The following GPR141 variants were observed in gnomAD, a reference collection of about 807,000 sequenced individuals.
The protein encoded by GPR141 is G protein-coupled receptor 141, also known as probable G protein-coupled receptor 141.
GPR141 carries 6 observed loss-of-function variants against 6.8 expected under a neutral mutation model. The observed-to-expected ratio is 0.88, with a 90% CI of 0.48 to 1.74. The LOEUF is 1.74. Among genes scored for constraint, GPR141 ranks in the 40% most tolerant of loss-of-function variants. The pLI is 0.01. For synonymous variants in GPR141, 140 were observed against 142.3 expected (o/e 0.98, Z 0.11); for missense variants, 372 against 372.9 (o/e 1.00, Z 0.02).
chr7:37,710,286 A>G (rs1362944556), intron 2 of GPR141, among the ~76,000 whole-genome samples: 1 of 152,144 alleles, frequency 6.6e-6, no homozygotes, highest in Non-Finnish European at 1.5e-5. Context: ...GTAGCACAGT[A>G]GAGAGCAATA....
intron 2 of GPR141, among the ~76,000 whole-genome samples, chr7:37,716,388 G>T (rs1376223752): frequency 6.6e-6 from 1 of 152,130 alleles, no homozygotes; most frequent in African/African-American, 2.4e-5. Flanking sequence ...TTTTCAAAGG[G>T]GGTGAAAGAT....
intron 2 of GPR141, among the ~76,000 whole-genome samples, chr7:37,692,995 C>A (rs1204356206): frequency 6.6e-6 from 1 of 152,130 alleles, no homozygotes; most frequent in Non-Finnish European, 1.5e-5. Context: ...TGCGCAGAAG[C>A]TCTTTAGTTT....
At chr7:37,690,014 G>T (rs996543887) in intron 2 of GPR141, among the ~76,000 whole-genome samples, 1 of 150,760 alleles carries the variant, frequency 6.6e-6, no homozygotes, top group Non-Finnish European at 1.5e-5. Flanking sequence ...CTACTTTTTC[G>T]ATGTAGGCAT....
rs1458224923 is a variant in GPR141 at position 37,743,734 on chromosome 7, TAAC to T, written c.*2425_*2427del. ...ACTATGTTATTTTCATATATTATAATAACAGGCTTATTAGAAATGTTCTCAAAA... is the reference window on the plus strand; with the variant it reads ...ACTATGTTATTTTCATATATTATAATAGGCTTATTAGAAATGTTCTCAAAA... On this transcript the variant is annotated 3_prime_UTR_variant, in exon 3 of 3. Transcript: ENST00000334425. 2.0e-5 allele frequency among the ~76,000 whole-genome samples: 3 copies of T among 152,174 alleles called. No homozygotes were observed. Among genetic ancestry groups the T allele is most frequent in the African/African-American group, 4.8e-5 (2 of 41,466 alleles).
chr7:37,713,033 C>G (rs1215631690), intron 2 of GPR141, among the ~76,000 whole-genome samples: 2 of 152,250 alleles, frequency 1.3e-5, no homozygotes, highest in African/African-American at 4.8e-5. Flanking sequence ...AACACCATCT[C>G]TTAATGCCAG....
chr7:37,719,324 C>G (rs1233822104), intron 2 of GPR141, among the ~76,000 whole-genome samples: 1 of 152,198 alleles, frequency 6.6e-6, no homozygotes, highest in African/African-American at 2.4e-5. Context: ...TGGGATTAGT[C>G]ATCTTGTCTG....
chr7:37,695,845 C>T (rs550162266), intron 2 of GPR141, among the ~76,000 whole-genome samples: 34 of 152,138 alleles, frequency 2.2e-4, no homozygotes, highest in African/African-American at 7.2e-4. Context: ...GCCAACATGC[C>T]GTGTTGTCAC....
At position 37,705,235 on chromosome 7, in the gene GPR141, GATGGGCAGTCCACA is replaced by G. The variant is rs559271474; in HGVS notation, c.-15+19655_-15+19668del. Among the ~76,000 whole-genome samples, 792 of 152,284 alleles carry G rather than the reference GATGGGCAGTCCACA, an allele frequency of 5.2e-3. 12 individuals carry two copies. The highest frequency in any genetic ancestry group is 0.018 in the African/African-American group (767 of 41,546). On this transcript the variant is annotated intron_variant, in intron 2 of 2. Coordinates refer to ENST00000334425, the MANE Select transcript of GPR141 (RefSeq NM_001381946.1). Reference sequence around the variant, plus strand: ...ACTTTAGGAATTTTTACTGACTTCAGATGGGCAGTCCACAATTCATGTGTTTGCTCTTTTGAAGA... The same window carrying G: ...ACTTTAGGAATTTTTACTGACTTCAGATTCATGTGTTTGCTCTTTTGAAGA...
At chr7:37,733,164 C>T (rs1812058085) in intron 2 of GPR141, among the ~76,000 whole-genome samples, 1 of 152,116 alleles carries the variant, frequency 6.6e-6, no homozygotes, top group African/African-American at 2.4e-5. Context: ...ATGGACTTGG[C>T]TCTATGTGCT....
At chr7:37,719,770 A>G (rs927357867) in intron 2 of GPR141, among the ~76,000 whole-genome samples, 2 of 152,166 alleles carry the variant, frequency 1.3e-5, no homozygotes, top group Non-Finnish European at 2.9e-5. Context: ...GTGATTCTCC[A>G]CCCAGTCAGG....
chr7:37,703,887 A>G (rs989180043), intron 2 of GPR141, among the ~76,000 whole-genome samples: 17 of 152,112 alleles, frequency 1.1e-4, no homozygotes, highest in African/African-American at 4.1e-4. Flanking sequence ...CACTTTCAAA[A>G]ATACAACTTT....
rs946354117 is a variant in GPR141, at chr7:37,742,367, G to A, written c.*1056G>A. Among the ~76,000 whole-genome samples the A allele has an allele frequency of 1.3e-5, 2 of 151,924 alleles. No individual in the cohort carries two copies. The highest frequency in any genetic ancestry group is 4.8e-5 in the African/African-American group (2 of 41,344). On this transcript the variant is annotated 3_prime_UTR_variant, in exon 3 of 3. Coordinates refer to ENST00000334425, the MANE Select transcript of GPR141 (RefSeq NM_001381946.1). The stretch of plus-strand genomic sequence containing the variant: ...GCACCTGTCAACCCATCTACATTAG[G>A]TATTTCTCCTAATGCTCTCCCTCCC...
intron 2 of GPR141, among the ~76,000 whole-genome samples, chr7:37,689,012 T>C (rs1415203854): frequency 6.6e-6 from 1 of 152,142 alleles, no homozygotes; most frequent in Non-Finnish European, 1.5e-5. Context: ...TTCCAGAAGT[T>C]TTTCGTTATC....
At chr7:37,734,683 G>T (rs954419381) in intron 2 of GPR141, among the ~76,000 whole-genome samples, 1 of 152,180 alleles carries the variant, frequency 6.6e-6, no homozygotes, top group African/African-American at 2.4e-5. Context: ...GGAGTTCTCT[G>T]ACTTATCTTC....
Position 37,691,192 on chromosome 7 carries a change from A to G in GPR141, c.-15+5609A>G, listed in dbSNP as rs960205244. ...TTTTTCATCTCTTCACTTCTAGTCT[A>G]TCTGTATTATTACAGGTGAAGTAAG... On this transcript the variant is annotated intron_variant, in intron 2 of 2. Coordinates refer to ENST00000334425, the MANE Select transcript of GPR141 (RefSeq NM_001381946.1). Among the ~76,000 whole-genome samples, 3 of 138,718 alleles carry G rather than the reference A, an allele frequency of 2.2e-5. No homozygotes were observed. The East Asian group carries it at 6.5e-4, about 30-fold the overall frequency. The allele number at this position is 138,718 out of a possible 152,430, so 91.0% of individuals were successfully genotyped here. A position where few individuals can be genotyped will look rare whatever the true frequency, so the allele number is the denominator to read the frequency against.
At position 37,741,871 on chromosome 7, in the gene GPR141, G is replaced by A. The variant is rs1297814910; in HGVS notation, c.*560G>A. Among the ~76,000 whole-genome samples, 1 of 152,150 alleles carries A rather than the reference G, an allele frequency of 6.6e-6. No individual in the cohort carries two copies. Among genetic ancestry groups the A allele is most frequent in the Non-Finnish European group, 1.5e-5 (1 of 68,022 alleles). ...TCATAACTCTGGTAGGAAGTCATCT[G>A]TCTAGAAATCAAGAGAAAAAGAACG... On this transcript the variant is annotated 3_prime_UTR_variant, in exon 3 of 3. Transcript: ENST00000334425.
intron 2 of GPR141, among the ~76,000 whole-genome samples, chr7:37,714,784 T>TA (rs1304304408): frequency 3.9e-5 from 6 of 152,242 alleles, no homozygotes; most frequent in African/African-American, 1.4e-4. Flanking sequence ...CAAGCACTGT[T>TA]ACGCCATGGC....
Position 37,740,539 on chromosome 7 carries a change from C to A in GPR141, c.146C>A (p.Ser49Ter). The change falls in exon 3 of 3, where the codon TCA becomes TAA. Residue 49 changes from serine to a stop codon, truncating the protein, a stop_gained. Transcript: ENST00000334425. LOFTEE classifies it low-confidence loss of function (END_TRUNC). The part of the protein sequence containing the change: ...LFLLVKMNTR[S>*]VTTMAVINLV... ...CTCCTGGTGAAAATGAACACCCGGT[C>A]AGTGACCACCATGGCGGTCATTAAC... is the stretch of plus-strand genomic sequence containing the variant. 1 of 1,614,058 alleles carries A rather than the reference C, an allele frequency of 6.2e-7. No homozygotes were observed. Among genetic ancestry groups the A allele is most frequent in the South Asian group, 1.1e-5 (1 of 91,068 alleles).
chr7:37,732,769 A>G (rs1812032881), intron 2 of GPR141, among the ~76,000 whole-genome samples: 3 of 152,248 alleles, frequency 2.0e-5, no homozygotes, highest in Non-Finnish European at 2.9e-5. Context: ...AGGACTCTTT[A>G]TAAGAGCTAG....
Sources: gnomAD v4.1 joint callset for allele counts (sites outside exome capture counted in the v4.1 genomes callset) on GRCh38, gnomAD v4.1.1 for gene constraint, MANE v1.5 for transcripts, NCBI Gene and HGNC (gene_info 2026-07-23, HGNC 2026-07-21) for gene names.